Variants in COL5A3 observed in about 807,000 individuals in gnomAD.
COL5A3 encodes the protein collagen type V alpha 3 chain.
Under a neutral mutation model 250.0 loss-of-function variants are expected in COL5A3, and 172 were observed. That is an observed-to-expected ratio of 0.69 (90% CI 0.61 to 0.78). The LOEUF (loss-of-function observed/expected upper bound fraction) is 0.78. Among genes scored for constraint, COL5A3 ranks in the 30% least tolerant of loss-of-function variants. The pLI, the probability that COL5A3 is intolerant of heterozygous loss-of-function variation, is 0.00. For synonymous variants in COL5A3, 937 were observed against 900.4 expected (o/e 1.04, Z -0.73); for missense variants, 2,340 against 2,334.4 (o/e 1.00, Z -0.05).
chr19:10,010,425 G>A lies in COL5A3; in HGVS notation c.-40C>T, dbSNP rs1359565891. ...CGGGCAAGGCGGGGAACCAGTCGGG[G>A]CGGCTGCGGGGCGCGGCGACTTCTC... On this transcript the variant is annotated 5_prime_UTR_variant, in exon 1 of 67. Transcript: ENST00000264828. 2 of 1,295,592 alleles carry A rather than the reference G, an allele frequency of 1.5e-6. No individual in the cohort carries two copies. The highest frequency in any genetic ancestry group is 2.0e-6 in the Non-Finnish European group (2 of 1,003,812). 80.3% of individuals were successfully genotyped at this position (1,295,592 alleles called of 1,614,324 possible).
chr19:10,001,382 A>C (rs8108105), intron 8 of COL5A3, 142 bp downstream of exon 8: 242,492 of 759,218 alleles, frequency 0.32, 39,717 homozygotes, highest in Middle Eastern at 0.36. Flanking sequence ...CCTGACCTCA[A>C]ATGATCTGCC....
chr19:10,000,009 C>T (rs1344673050), intron 8 of COL5A3, among the ~76,000 whole-genome samples: 1 of 152,130 alleles, frequency 6.6e-6, no homozygotes, highest in Non-Finnish European at 1.5e-5. Context: ...CTTCCCGCCT[C>T]AACCTACCAA....
At chr19:10,001,911 C>T in intron 6 of COL5A3, 30 bp from the exon 7 acceptor site, 2 of 1,532,744 alleles carry the variant, frequency 1.3e-6, no homozygotes, top group Non-Finnish European at 1.8e-6. Context: ...AGCCTTGGGT[C>T]TCGGGTGAGG....
At chr19:9,986,655 A>G in intron 28 of COL5A3, 49 bp from the exon 29 acceptor site, 1 of 1,613,542 alleles carries the variant, frequency 6.2e-7, no homozygotes. Flanking sequence ...GGGAAGGGAC[A>G]CAACCAGGAC....
At chr19:9,980,913 A>G in intron 33 of COL5A3, 54 bp from the exon 34 acceptor site, 3 of 1,566,814 alleles carry the variant, frequency 1.9e-6, no homozygotes, top group South Asian at 1.1e-5. Context: ...GGAGCCTGGG[A>G]GATGAGACCA....
In COL5A3 at chr19:9,973,623, C is replaced by A; in HGVS notation, c.3613G>T (p.Gly1205Cys). ...GGGTCTCCAGCGTCCCCTCGCTCAC[C>A]CTGCAGGAGGCAAAGTGAGAGTGGG... is the stretch of plus-strand genomic sequence containing the variant. Reference protein sequence around the residue: ...VGQPGAVGEKGERGDAGDPGP... With the variant: ...VGQPGAVGEKCERGDAGDPGP... The change falls in exon 50 of 67, where the codon GGT (glycine) becomes TGT (cysteine). Residue 1205 changes from glycine to cysteine, a missense_variant and splice_region_variant. Physicochemically the swap from Gly to Cys is radical, Grantham distance 159. This residue lies in a region of COL5A3 where 1,179 missense variants were observed against 1,162.6 expected (regional missense o/e 1.01). Transcript: ENST00000264828. 6.2e-7 allele frequency: 1 copy of A among 1,612,556 alleles called. No homozygotes were observed. Among genetic ancestry groups the A allele is most frequent in the Non-Finnish European group, 8.5e-7 (1 of 1,179,202 alleles).
chr19:9,995,933 C>A (rs1334434620), intron 15 of COL5A3, 133 bp downstream of exon 15: 1 of 931,428 alleles, frequency 1.1e-6, no homozygotes, highest in Non-Finnish European at 1.6e-6. Flanking sequence ...TGTGAGCCAC[C>A]ATTCTCTAGG....
rs1568413300 is a variant in COL5A3 at position 9,977,256 on chromosome 19, CT to C, written c.3260del (p.Lys1087ArgfsTer57). 1 of 1,614,128 alleles carries C rather than the reference CT, an allele frequency of 6.2e-7. No individual in the cohort carries two copies. Among genetic ancestry groups the C allele is most frequent in the Non-Finnish European group, 8.5e-7 (1 of 1,180,004 alleles). ...CGTCTCCTTTATCGCCTTTACTCCC[CT>C]TGTGTCCGGGGGCACCCACATCCCC... ...DKGDVGAPGHKGSKGDKGDAG... is the reference protein window; with the variant it reads ...DKGDVGAPGHXGSKGDKGDAG... On this transcript the variant is annotated frameshift_variant, in exon 44 of 67. Coordinates refer to ENST00000264828, the MANE Select transcript of COL5A3 (RefSeq NM_015719.4). LOFTEE classifies it high-confidence loss of function.
intron 16 of COL5A3, among the ~76,000 whole-genome samples, chr19:9,994,224 G>C (rs2087237940): frequency 6.6e-6 from 1 of 151,764 alleles, no homozygotes; most frequent in African/African-American, 2.4e-5. Flanking sequence ...CTCTTGCCCA[G>C]GCTGGAGTGC....
In COL5A3 at chr19:9,995,578, G is replaced by A. The variant is rs890597138; in HGVS notation, c.1573C>T (p.Arg525Ter). The A allele has an allele frequency of 7.5e-6, 12 of 1,608,040 alleles. No homozygotes were observed. The highest frequency in any genetic ancestry group is 1.3e-5 in the African/African-American group (1 of 74,844). The change falls in exon 16 of 67, where the codon CGA (arginine) becomes TGA (stop). Residue 525 changes from arginine (R) to a stop codon, truncating the protein, a stop_gained. Coordinates refer to ENST00000264828, the MANE Select transcript of COL5A3 (RefSeq NM_015719.4). LOFTEE classifies it high-confidence loss of function. ...CTGTCACTCACCATCTTGCCCACTC[G>A]GCCAGGGGGTCCATGAGGTCCCTGC... Reference protein sequence around the residue: ...GLQGPHGPPGRVGKMGRPGAD... With the variant: ...GLQGPHGPPG
chr19:9,977,326 C>T, intron 43 of COL5A3, 39 bp downstream of exon 43: 1 of 1,613,282 alleles, frequency 6.2e-7, no homozygotes, highest in Middle Eastern at 1.7e-4. Flanking sequence ...CATTCACCCC[C>T]ATCCTCCCCT....
rs752232521 is a variant in COL5A3 at position 9,977,581 on chromosome 19, G to A, written c.3126+13C>T. 1 of 1,563,680 alleles carries A rather than the reference G, an allele frequency of 6.4e-7. No homozygotes were observed. The highest frequency in any genetic ancestry group is 1.9e-5 in the Admixed American group (1 of 52,526). ...TGAGGAGGCCCTAGGAATGGGATGG[G>A]CAAGTCACTTACCCGGGACCCCTTC... is the stretch of plus-strand genomic sequence containing the variant. On this transcript the variant is annotated intron_variant, in intron 42 of 66. Transcript: ENST00000264828.
In COL5A3 at chr19:9,966,662, C is replaced by T. The variant is rs975770249; in HGVS notation, c.4543G>A (p.Glu1515Lys). The T allele has an allele frequency of 1.3e-6, 2 of 1,538,168 alleles. No individual in the cohort carries two copies. The highest frequency in any genetic ancestry group is 1.7e-6 in the Non-Finnish European group (2 of 1,147,316). The change falls in exon 63 of 67, where the codon GAG becomes AAG. Residue 1515 changes from glutamate to lysine, a missense_variant. Physicochemically the swap from Glu to Lys is moderately conservative, Grantham distance 56. This residue lies in a region of COL5A3 where 1,179 missense variants were observed against 1,162.6 expected (regional missense o/e 1.01). Coordinates refer to ENST00000264828, the MANE Select transcript of COL5A3 (RefSeq NM_015719.4). ...PLPVVEGGLE[E>K]VLASLTSLSL... The stretch of plus-strand genomic sequence containing the variant: ...AGCGATGTGAGCGAGGCCAGCACCT[C>T]CTCCAGGCCGCCCTCCACGACTGGA...
intron 64 of COL5A3, among the ~76,000 whole-genome samples, chr19:9,963,986 T>C (rs1395249241): frequency 6.6e-6 from 1 of 152,022 alleles, no homozygotes; most frequent in Non-Finnish European, 1.5e-5. Context: ...CTGGCCAACA[T>C]GGTGAAACCC....
chr19:9,965,903 G>A (rs983735165), intron 64 of COL5A3, among the ~76,000 whole-genome samples: 1 of 152,082 alleles, frequency 6.6e-6, no homozygotes, highest in Non-Finnish European at 1.5e-5. Flanking sequence ...GCACAATCTC[G>A]GCTCACACTA....
chr19:9,971,647 C>T (rs960855975), intron 51 of COL5A3, among the ~76,000 whole-genome samples: 30 of 152,210 alleles, frequency 2.0e-4, no homozygotes, highest in African/African-American at 7.2e-4. Flanking sequence ...AAGTCGAGGT[C>T]CCACAGATGC....
At chr19:10,006,870 G>C (rs116087696) in intron 1 of COL5A3, among the ~76,000 whole-genome samples, 2,154 of 151,634 alleles carry the variant, frequency 0.014, 53 homozygotes, top group African/African-American at 0.05. Flanking sequence ...TTTTCTGTCT[G>C]ATCCCAAACT....
chr19:9,968,345 C>T lies in COL5A3; in HGVS notation c.4314+40G>A. The T allele has an allele frequency of 7.0e-7, 1 of 1,437,838 alleles. No individual in the cohort carries two copies. Among genetic ancestry groups the T allele is most frequent in the Non-Finnish European group, 9.7e-7 (1 of 1,031,664 alleles). 89.1% of individuals were successfully genotyped at this position (1,437,838 alleles called of 1,614,324 possible). ...CCCACAGTCTCTCAACCGACCCCCT[C>T]CTTCAAATGCATTCTTCCCGCTCAG... On this transcript the variant is annotated intron_variant, in intron 59 of 66. Coordinates refer to ENST00000264828, the MANE Select transcript of COL5A3 (RefSeq NM_015719.4). The surrounding 1 kb of genome is among the most constrained non-coding windows in gnomAD (Gnocchi z 4.1).
rs890597138 is a variant in COL5A3, at chr19:9,995,578, G to T, written c.1573C>A (p.Arg525=). ...CTGTCACTCACCATCTTGCCCACTC[G>T]GCCAGGGGGTCCATGAGGTCCCTGC... ...GLQGPHGPPG[R]VGKMGRPGAD... is the part of the protein sequence containing the mutation. The change falls in exon 16 of 67, where the codon CGA becomes AGA. Residue 525 remains arginine, a synonymous_variant. Transcript: ENST00000264828. 6.2e-7 allele frequency: 1 copy of T among 1,607,922 alleles called. No individual in the cohort carries two copies.
Sources: gnomAD v4.1 joint callset for allele counts (sites outside exome capture counted in the v4.1 genomes callset) on GRCh38, gnomAD v4.1.1 for gene constraint, gnomAD v4.1.1 regional missense constraint, Gnocchi (gnomAD v3.1) non-coding constraint, MANE v1.5 for transcripts, NCBI Gene and HGNC (gene_info 2026-07-23, HGNC 2026-07-21) for gene names.